FGGY: variants seen among roughly 807,000 people sequenced by gnomAD.
FGGY encodes FGGY carbohydrate kinase domain-containing protein.
A neutral mutation model predicts 71.3 loss-of-function variants in FGGY; 72 were observed. The observed-to-expected ratio is 1.01, with a 90% CI of 0.84 to 1.23. The LOEUF (loss-of-function observed/expected upper bound fraction) is 1.23. FGGY is among the 50% of genes most tolerant of loss of function. The pLI is 0.00. For synonymous variants in FGGY, 251 were observed against 250.3 expected (o/e 1.00, Z -0.02); for missense variants, 668 against 682.3 (o/e 0.98, Z 0.23).
At chr1:59,518,670 C>T (rs1355049152) in intron 7 of FGGY, among the ~76,000 whole-genome samples, 1 of 152,162 alleles carries the variant, frequency 6.6e-6, no homozygotes, top group Admixed American at 6.5e-5. Flanking sequence ...TGTTGCACCA[C>T]CCCACTCTCT....
chr1:59,565,214 C>T lies in FGGY; in HGVS notation c.903+10987C>T, dbSNP rs1299596927. ...TTATACAGTTGTCAGAATTATCTTACCAATTTATGGGGACTGAAACTGAGG... is the reference window on the plus strand; with the variant it reads ...TTATACAGTTGTCAGAATTATCTTATCAATTTATGGGGACTGAAACTGAGG... On this transcript the variant is annotated intron_variant, in intron 8 of 15. Coordinates refer to ENST00000303721, the MANE Select transcript of FGGY (RefSeq NM_018291.5). Among the ~76,000 whole-genome samples the T allele has an allele frequency of 3.3e-5, 5 of 152,064 alleles. No homozygotes were observed. In the East Asian group the frequency reaches 7.7e-4, roughly 23 times the overall value.
chr1:59,331,536 G>A (rs947235772), intron 2 of FGGY, among the ~76,000 whole-genome samples: 18 of 152,082 alleles, frequency 1.2e-4, no homozygotes, highest in Admixed American at 4.6e-4. Context: ...TCTTTCAGGT[G>A]TATCCTCAAA....
chr1:59,322,652 T>C (rs1020412369), intron 2 of FGGY, among the ~76,000 whole-genome samples: 9 of 152,180 alleles, frequency 5.9e-5, no homozygotes, highest in African/African-American at 2.2e-4. Flanking sequence ...AGGAGTCAGA[T>C]TAGAGTGTCT....
intron 7 of FGGY, among the ~76,000 whole-genome samples, chr1:59,513,099 G>GT (rs1411574691): frequency 1.3e-5 from 2 of 152,162 alleles, no homozygotes; most frequent in Non-Finnish European, 2.9e-5. Context: ...GGTTGTGTGT[G>GT]TTTTTTGCAG....
chr1:59,460,463 A>G (rs1189875318), intron 6 of FGGY, among the ~76,000 whole-genome samples: 1 of 152,136 alleles, frequency 6.6e-6, no homozygotes, highest in African/African-American at 2.4e-5. Flanking sequence ...AGACCCCACC[A>G]CTGGGGGCAC....
At chr1:59,410,128 G>A (rs561471537) in intron 5 of FGGY, among the ~76,000 whole-genome samples, 2 of 152,250 alleles carry the variant, frequency 1.3e-5, no homozygotes, top group East Asian at 3.9e-4. Context: ...TCAATGCAAA[G>A]GTATTGTCTT....
intron 5 of FGGY, among the ~76,000 whole-genome samples, chr1:59,440,218 G>A (rs946804775): frequency 1.3e-5 from 2 of 151,724 alleles, no homozygotes; most frequent in African/African-American, 4.8e-5. Flanking sequence ...AAAAACACAT[G>A]GTAATTCTAA....
intron 8 of FGGY, among the ~76,000 whole-genome samples, chr1:59,567,282 C>T (rs761870875): frequency 5.3e-5 from 8 of 152,146 alleles, no homozygotes; most frequent in African/African-American, 1.4e-4. Flanking sequence ...TGTGCACAAC[C>T]GAGTTGTCCA....
intron 5 of FGGY, among the ~76,000 whole-genome samples, chr1:59,432,440 ATTGAAGC>A (rs1389224378): frequency 6.6e-6 from 1 of 152,132 alleles, no homozygotes; most frequent in Non-Finnish European, 1.5e-5. Flanking sequence ...GCAGTCTTGG[ATTGAAGC>A]CTTAACCTGT....
At position 59,725,612 on chromosome 1, in the gene FGGY, G is replaced by T. The variant is rs773702068; in HGVS notation, c.1513-32319G>T. On this transcript the variant is annotated intron_variant, in intron 14 of 15. Coordinates refer to ENST00000303721, the MANE Select transcript of FGGY (RefSeq NM_018291.5). ...GATTTATACCTAAGTGTTTTTGTGG[G>T]GGTTTTTTTTGTTTTTTGTTTTTTG... Among the ~76,000 whole-genome samples the T allele has an allele frequency of 6.6e-5, 10 of 151,672 alleles. No homozygotes were observed. In the Middle Eastern group the frequency reaches 0.01, roughly 156 times the overall value.
chr1:59,473,779 TC>T (rs1268321152), intron 6 of FGGY, among the ~76,000 whole-genome samples: 23 of 152,206 alleles, frequency 1.5e-4, no homozygotes, highest in Non-Finnish European at 1.9e-4. Flanking sequence ...TAATTACTAC[TC>T]CTGCCAATGC....
rs981639581 is a variant in FGGY at position 59,537,937 on chromosome 1, G to T, written c.800-16187G>T. On this transcript the variant is annotated intron_variant, in intron 7 of 15. Coordinates refer to ENST00000303721, the MANE Select transcript of FGGY (RefSeq NM_018291.5). ...ATTACCATTCAGAACATAGGCATGGGCAAGGACTTCATGTCTAAAACACCA... is the reference window on the plus strand; with the variant it reads ...ATTACCATTCAGAACATAGGCATGGTCAAGGACTTCATGTCTAAAACACCA... Among the ~76,000 whole-genome samples, 14 of 152,294 alleles carry T rather than the reference G, an allele frequency of 9.2e-5. 1 individual carries two copies. In the Middle Eastern group the frequency reaches 0.01, roughly 111 times the overall value.
intron 7 of FGGY, among the ~76,000 whole-genome samples, chr1:59,542,600 G>T (rs919461559): frequency 1.3e-5 from 2 of 151,644 alleles, no homozygotes; most frequent in African/African-American, 4.8e-5. Context: ...GGGATTACAG[G>T]CATGCACCAC....
At chr1:59,417,856 T>C (rs1175377701) in intron 5 of FGGY, among the ~76,000 whole-genome samples, 2 of 152,216 alleles carry the variant, frequency 1.3e-5, no homozygotes, top group Non-Finnish European at 2.9e-5. Flanking sequence ...TTAAGTAAAA[T>C]AGAAAACTTA....
chr1:59,564,315 TAG>T (rs1384452824), intron 8 of FGGY, among the ~76,000 whole-genome samples: 1 of 152,136 alleles, frequency 6.6e-6, no homozygotes, highest in Non-Finnish European at 1.5e-5. Flanking sequence ...AGAAATCAGT[TAG>T]AGAGCCTCTG....
rs79073800 is a variant in FGGY at position 59,691,359 on chromosome 1, G to T, written c.1512+17226G>T. On this transcript the variant is annotated intron_variant, in intron 14 of 15. Transcript: ENST00000303721. ...CCTGTCTGTGTTACTGTCAAACATT[G>T]TGTGTTCCAGGCACGGAGGGGTGTC... Among the ~76,000 whole-genome samples the T allele has an allele frequency of 4.0e-4, 61 of 152,346 alleles. 1 individual carries two copies. In the East Asian group the frequency reaches 0.012, roughly 29 times the overall value.
chr1:59,303,346 A>G (rs964594677), intron 1 of FGGY, among the ~76,000 whole-genome samples: 4 of 152,140 alleles, frequency 2.6e-5, no homozygotes, highest in Non-Finnish European at 4.4e-5. Context: ...CATATAAGGA[A>G]TATCATGCAG....
intron 8 of FGGY, among the ~76,000 whole-genome samples, chr1:59,591,580 A>C (rs1006157610): frequency 3.9e-5 from 6 of 152,154 alleles, no homozygotes; most frequent in African/African-American, 7.2e-5. Flanking sequence ...GGTACTGGTA[A>C]CAAAACAGAG....
At chr1:59,463,035 A>G (rs2092362863) in intron 6 of FGGY, among the ~76,000 whole-genome samples, 1 of 152,204 alleles carries the variant, frequency 6.6e-6, no homozygotes, top group Non-Finnish European at 1.5e-5. Flanking sequence ...TCTGTTCACA[A>G]TAGCAAAGAC....
Sources: allele counts gnomAD v4.1 joint callset (sites outside exome capture counted in the v4.1 genomes callset), GRCh38; gene constraint gnomAD v4.1.1; transcripts MANE v1.5; gene names NCBI Gene and HGNC (gene_info 2026-07-23, HGNC 2026-07-21).